Variants in PPP2R3B observed in about 807,000 individuals in gnomAD.
The protein encoded by PPP2R3B is serine/threonine-protein phosphatase 2A regulatory subunit B'' subunit beta.
A neutral mutation model predicts 72.9 loss-of-function variants in PPP2R3B; 68 were observed. The ratio of observed to expected loss-of-function variants is 0.93; its 90% CI spans 0.77 to 1.14. PPP2R3B has a LOEUF of 1.14. Ranked by LOEUF, PPP2R3B falls within the 50% of genes most tolerant of loss-of-function variation. The pLI, the probability that PPP2R3B is intolerant of heterozygous loss-of-function variation, is 0.00. For missense variants in PPP2R3B, 1,018 were observed against 842.0 expected (o/e 1.21, Z -2.59); for synonymous variants, 466 against 375.8 (o/e 1.24, Z -2.78).
intron 1 of PPP2R3B, 101 bp downstream of exon 1, chrX:386,266 TG>T: frequency 1.0e-6 from 1 of 1,000,814 alleles, no homozygotes. Flanking sequence ...GAAACCGTTT[TG>T]GGGTCTGACG....
At chrX:338,474 C>T (rs1431947805) in intron 12 of PPP2R3B, 130 bp downstream of exon 12, 1 of 924,582 alleles carries the variant, frequency 1.1e-6, no homozygotes, top group Non-Finnish European at 1.7e-6. Context: ...CCCTCTGTGT[C>T]CGCGCACCCC....
intron 2 of PPP2R3B, chrX:359,783 C>A (rs2071504980): frequency 2.0e-6 from 1 of 490,466 alleles, no homozygotes; most frequent in African/African-American, 2.0e-5. Context: ...TACATAATTG[C>A]TCATATTAAA....
chrX:372,651 T>A (rs2071891338), intron 1 of PPP2R3B, among the ~76,000 whole-genome samples: 1 of 152,204 alleles, frequency 6.6e-6, no homozygotes, highest in African/African-American at 2.4e-5. Flanking sequence ...TGAGCACTTA[T>A]GAGAACTGAG....
intron 2 of PPP2R3B, among the ~76,000 whole-genome samples, chrX:359,263 AG>A (rs1266791231): frequency 6.6e-6 from 1 of 152,202 alleles, no homozygotes; most frequent in Non-Finnish European, 1.5e-5. Context: ...CTCCCAGTGA[AG>A]GAACTCTCAG....
chrX:347,037 A>G (rs968227302), intron 4 of PPP2R3B, among the ~76,000 whole-genome samples, 197 bp downstream of exon 4: 11 of 149,080 alleles, frequency 7.4e-5, no homozygotes, highest in Non-Finnish European at 1.3e-4. Flanking sequence ...TGTGCGGTGT[A>G]GACGCGGACC....
intron 2 of PPP2R3B, 136 bp downstream of exon 2, chrX:361,269 G>C: frequency 1.0e-6 from 1 of 969,620 alleles, no homozygotes; most frequent in East Asian, 2.6e-5. Context: ...TCCCGCACAC[G>C]TGTGAAACGC....
intron 1 of PPP2R3B, among the ~76,000 whole-genome samples, chrX:384,755 C>T (rs1211906216): frequency 1.3e-5 from 2 of 151,462 alleles, no homozygotes; most frequent in South Asian, 2.1e-4. Flanking sequence ...GAGGCTGAGG[C>T]GGGTGGATCA....
chrX:386,792 C>T lies in PPP2R3B; in HGVS notation c.-101G>A. On this transcript the variant is annotated 5_prime_UTR_variant, in exon 1 of 13. Coordinates refer to ENST00000390665, the MANE Select transcript of PPP2R3B (RefSeq NM_013239.5). ...CGACCTCGGTGATGCGAGCACGGCC[C>T]GCTGAGGGGGCGCGGCGCAGGGAAC... 1.5e-6 allele frequency: 1 copy of T among 682,822 alleles called. No homozygotes were observed. Among genetic ancestry groups the T allele is most frequent in the Non-Finnish European group, 1.9e-6 (1 of 513,986 alleles). The allele number at this position is 682,822 out of a possible 1,614,324, so 42.3% of individuals were successfully genotyped here. A position where few individuals can be genotyped will look rare whatever the true frequency, so the allele number is the denominator to read the frequency against.
At position 386,444 on chromosome X, in the gene PPP2R3B, A is replaced by C; in HGVS notation, c.248T>G (p.Leu83Arg). 2 of 1,314,648 alleles carry C rather than the reference A, an allele frequency of 1.5e-6. No individual in the cohort carries two copies. The highest frequency in any genetic ancestry group is 1.9e-6 in the Non-Finnish European group (2 of 1,028,036). 81.4% of individuals were successfully genotyped at this position (1,314,648 alleles called of 1,614,324 possible). The change falls in exon 1 of 13, where the codon CTG becomes CGG. Residue 83 changes from leucine (L) to arginine (R), a missense_variant. Transcript: ENST00000390665. Reference protein sequence around the residue: ...PPGTPGPGPALPLGAASSPRN... With the variant: ...PPGTPGPGPARPLGAASSPRN... The stretch of plus-strand genomic sequence containing the variant: ...GGGGCTGGAGGCGGCGCCCAGGGGC[A>C]GCGCAGGGCCCGGCCCGGGGGTTCC...
intron 2 of PPP2R3B, among the ~76,000 whole-genome samples, chrX:351,381 G>C (rs1160830668): frequency 4.6e-5 from 7 of 152,190 alleles, no homozygotes. Flanking sequence ...GGGGATGTGT[G>C]AGCCTTCACA....
chrX:376,435 C>CTGT, intron 1 of PPP2R3B, among the ~76,000 whole-genome samples: 1 of 107,610 alleles, frequency 9.3e-6, no homozygotes, highest in Non-Finnish European at 1.8e-5. Context: ...CTCGACAGAG[C>CTGT]CCCCATGGGG....
At chrX:358,459 A>G (rs995579310) in intron 2 of PPP2R3B, among the ~76,000 whole-genome samples, 1 of 152,206 alleles carries the variant, frequency 6.6e-6, no homozygotes, top group Non-Finnish European at 1.5e-5. Flanking sequence ...GGGCCTGTGG[A>G]GGTGTCTCTC....
intron 2 of PPP2R3B, among the ~76,000 whole-genome samples, chrX:360,209 C>A (rs1287454775): frequency 1.3e-5 from 2 of 152,174 alleles, no homozygotes; most frequent in East Asian, 3.9e-4. Context: ...CCAAAACCAA[C>A]TCATTTAATA....
At chrX:364,662 G>A (rs949663327) in intron 1 of PPP2R3B, among the ~76,000 whole-genome samples, 1 of 127,256 alleles carries the variant, frequency 7.9e-6, no homozygotes, top group Non-Finnish European at 1.6e-5. Context: ...AGGTTGCAGT[G>A]AGCTGAGATC....
chrX:340,649 G>C, intron 10 of PPP2R3B, 116 bp downstream of exon 10: 2 of 249,942 alleles, frequency 8.0e-6, no homozygotes, highest in Non-Finnish European at 1.2e-5. Flanking sequence ...CTCTCCCTGG[G>C]CTGTCATCCG....
At chrX:350,195 A>G (rs2071299576) in intron 2 of PPP2R3B, among the ~76,000 whole-genome samples, 1 of 152,156 alleles carries the variant, frequency 6.6e-6, no homozygotes, top group Non-Finnish European at 1.5e-5. Context: ...GTTGGGACAG[A>G]GCCCCGTGGA....
chrX:362,696 C>T (rs1478449740), intron 1 of PPP2R3B, among the ~76,000 whole-genome samples: 1 of 152,102 alleles, frequency 6.6e-6, no homozygotes, highest in African/African-American at 2.4e-5. Context: ...TGGACCACAG[C>T]TCAGGGCCTT....
chrX:335,356 G>C (rs1248589261), intron 12 of PPP2R3B: 1 of 152,440 alleles, frequency 6.6e-6, no homozygotes, highest in East Asian at 1.9e-4. Flanking sequence ...GGAGAAGGCA[G>C]AGACTGGGAA....
intron 2 of PPP2R3B, among the ~76,000 whole-genome samples, chrX:356,194 C>G (rs2071430568): frequency 6.6e-6 from 1 of 152,186 alleles, no homozygotes; most frequent in Non-Finnish European, 1.5e-5. Flanking sequence ...CTCAGGGCCA[C>G]CCCGGAAGCA....
Sources: gnomAD v4.1 joint callset for allele counts (sites outside exome capture counted in the v4.1 genomes callset) on GRCh38, gnomAD v4.1.1 for gene constraint, MANE v1.5 for transcripts, NCBI Gene and HGNC (gene_info 2026-07-23, HGNC 2026-07-21) for gene names.